Variants in ARHGAP42 observed in about 807,000 individuals in gnomAD.
The protein encoded by ARHGAP42 is rho GTPase-activating protein 42.
ARHGAP42 carries 63 observed loss-of-function variants against 125.0 expected under a neutral mutation model. The observed-to-expected ratio is 0.50, with a 90% confidence interval of 0.41 to 0.62. The LOEUF (loss-of-function observed/expected upper bound fraction) is 0.62, where lower values mean the gene tolerates loss of function less well. Among genes scored for constraint, ARHGAP42 ranks in the 20% least tolerant of loss-of-function variants. The pLI, the probability that ARHGAP42 is intolerant of heterozygous loss-of-function variation, is 0.00. For synonymous variants in ARHGAP42, 339 were observed against 351.0 expected (o/e 0.97, Z 0.38); for missense variants, 766 against 1,024.2 (o/e 0.75, Z 3.44).
chr11:100,703,457 A>C (rs1256344801), intron 1 of ARHGAP42, among the ~76,000 whole-genome samples: 2 of 152,258 alleles, frequency 1.3e-5, no homozygotes, highest in Non-Finnish European at 2.9e-5. Context: ...TACAAGATTT[A>C]ACTTTAACAG....
chr11:100,726,559 A>G (rs1861865252), intron 1 of ARHGAP42, among the ~76,000 whole-genome samples: 1 of 152,250 alleles, frequency 6.6e-6, no homozygotes, highest in Non-Finnish European at 1.5e-5. Context: ...GTTTAGAACT[A>G]TGTAATGCAA....
At chr11:100,779,462 A>AT (rs1177424429) in intron 2 of ARHGAP42, among the ~76,000 whole-genome samples, 35 of 95,748 alleles carry the variant, frequency 3.7e-4, no homozygotes, top group Non-Finnish European at 7.2e-4. Flanking sequence ...AAAAAAAAAA[A>AT]AAAAAATATA....
chr11:100,980,156 A>G (rs920560528), intron 22 of ARHGAP42, among the ~76,000 whole-genome samples: 4 of 152,280 alleles, frequency 2.6e-5, no homozygotes, highest in African/African-American at 9.6e-5. Context: ...GTCAGTGCCT[A>G]GCATTTAAAT....
At chr11:100,880,396 C>T (rs887516180) in intron 4 of ARHGAP42, among the ~76,000 whole-genome samples, 5 of 152,144 alleles carry the variant, frequency 3.3e-5, no homozygotes, top group Non-Finnish European at 7.3e-5. Context: ...GAATAATAGT[C>T]TCCAGTCTCA....
intron 3 of ARHGAP42, among the ~76,000 whole-genome samples, chr11:100,828,111 G>A (rs576103881): frequency 6.6e-6 from 1 of 152,326 alleles, no homozygotes; most frequent in Admixed American, 6.5e-5. Flanking sequence ...GGGTCCTGCT[G>A]TTGAGAATGC....
chr11:100,799,576 G>A (rs1863803050), intron 3 of ARHGAP42, among the ~76,000 whole-genome samples: 1 of 152,220 alleles, frequency 6.6e-6, no homozygotes, highest in Non-Finnish European at 1.5e-5. Context: ...ATGGGAAAGA[G>A]AGGTTAGAGA....
intron 4 of ARHGAP42, among the ~76,000 whole-genome samples, chr11:100,887,304 G>A (rs1249963950): frequency 1.3e-5 from 2 of 151,996 alleles, no homozygotes; most frequent in Non-Finnish European, 2.9e-5. Context: ...TGTTCAGTCC[G>A]GGGTCAGTGG....
chr11:100,826,481 T>C (rs1864517112), intron 3 of ARHGAP42, among the ~76,000 whole-genome samples: 1 of 152,216 alleles, frequency 6.6e-6, no homozygotes, highest in Non-Finnish European at 1.5e-5. Context: ...ATTTCAAGAC[T>C]ATACAGATGT....
At chr11:100,968,332 T>C (rs1858151835) in intron 17 of ARHGAP42, among the ~76,000 whole-genome samples, 1 of 152,172 alleles carries the variant, frequency 6.6e-6, no homozygotes. Context: ...TCTACCATTT[T>C]TCTTTTTGTT....
In ARHGAP42 at chr11:100,697,960, T is replaced by G. The variant is rs570220606; in HGVS notation, c.154+10128T>G. Reference sequence around the variant, plus strand: ...GAACTTGTATTAGACTTTCTCTTCCTTCTATGAAAAAGTTACTCTGTAATA... The same window carrying G: ...GAACTTGTATTAGACTTTCTCTTCCGTCTATGAAAAAGTTACTCTGTAATA... On this transcript the variant is annotated intron_variant, in intron 1 of 23. Transcript: ENST00000298815. Among the ~76,000 whole-genome samples, 4 of 152,358 alleles carry G rather than the reference T, an allele frequency of 2.6e-5. No individual in the cohort carries two copies. The South Asian group carries it at 8.3e-4, about 32-fold the overall frequency.
chr11:100,795,153 A>G lies in ARHGAP42; in HGVS notation c.299A>G (p.Glu100Gly), dbSNP rs750442678. ...FARLLIAVEE[E>G]RRRLIQNAND... The stretch of plus-strand genomic sequence containing the variant: ...AGACTACTCATTGCAGTAGAAGAAG[A>G]AAGGCGAAGACTGGTAAGTCTGTTC... The change falls in exon 3 of 24, where the codon GAA becomes GGA. Residue 100 changes from glutamate to glycine, a missense_variant. Coordinates refer to ENST00000298815, the MANE Select transcript of ARHGAP42 (RefSeq NM_152432.4). 6.5e-7 allele frequency: 1 copy of G among 1,542,510 alleles called. No individual in the cohort carries two copies. Among genetic ancestry groups the G allele is most frequent in the South Asian group, 1.2e-5 (1 of 82,150 alleles).
intron 4 of ARHGAP42, among the ~76,000 whole-genome samples, chr11:100,897,273 T>C (rs902261780): frequency 2.0e-5 from 3 of 152,212 alleles, no homozygotes; most frequent in Non-Finnish European, 2.9e-5. Flanking sequence ...TCAGGTAGCA[T>C]GATGCCTCCA....
At chr11:100,695,460 C>T (rs1861260105) in intron 1 of ARHGAP42, among the ~76,000 whole-genome samples, 2 of 152,170 alleles carry the variant, frequency 1.3e-5, no homozygotes, top group Admixed American at 6.5e-5. Context: ...GCCATCATCA[C>T]GCCCAGCTAA....
intron 8 of ARHGAP42, among the ~76,000 whole-genome samples, chr11:100,940,243 T>C (rs577250656): frequency 1.3e-5 from 2 of 152,316 alleles, no homozygotes; most frequent in East Asian, 3.9e-4. Flanking sequence ...AACACTTTTC[T>C]CAAGAGGTAC....
intron 4 of ARHGAP42, among the ~76,000 whole-genome samples, chr11:100,873,285 A>G (rs546441875): frequency 6.6e-6 from 1 of 152,332 alleles, no homozygotes; most frequent in African/African-American, 2.4e-5. Context: ...AATGAACCGC[A>G]TTAAGAAATA....
intron 3 of ARHGAP42, among the ~76,000 whole-genome samples, chr11:100,850,873 CTTTTTTTTTTTTTTTT>C (rs201814102): frequency 0.29 from 28,048 of 95,382 alleles, 3,761 homozygotes; most frequent in East Asian, 0.54. Flanking sequence ...TAGTAGCTTT[CTTTTTTTTTTTTTTTT>C]TTTTTTTTTT....
chr11:100,905,828 A>G (rs929255113), intron 4 of ARHGAP42, among the ~76,000 whole-genome samples: 31 of 152,016 alleles, frequency 2.0e-4, no homozygotes, highest in Non-Finnish European at 4.1e-4. Flanking sequence ...GATAACCAAA[A>G]TTAGCCAGGA....
At position 100,848,428 on chromosome 11, in the gene ARHGAP42, G is replaced by C. The variant is rs1033930993; in HGVS notation, c.313-11126G>C. On this transcript the variant is annotated intron_variant, in intron 3 of 23. Coordinates refer to ENST00000298815, the MANE Select transcript of ARHGAP42 (RefSeq NM_152432.4). ...GACCGGGTTAACATGGAGATAAGGA[G>C]AGTTTTACAACCAGCAACCATCTTC... is the stretch of plus-strand genomic sequence containing the variant. Among the ~76,000 whole-genome samples, 3 of 152,082 alleles carry C rather than the reference G, an allele frequency of 2.0e-5. No individual in the cohort carries two copies. In the South Asian group the frequency reaches 6.2e-4, roughly 31 times the overall value.
chr11:100,851,063 G>A (rs889132624), intron 3 of ARHGAP42, among the ~76,000 whole-genome samples: 2 of 151,750 alleles, frequency 1.3e-5, no homozygotes, highest in African/African-American at 4.8e-5. Context: ...CATATTGTTA[G>A]TAGAGACGGG....
Sources: gnomAD v4.1 joint callset for allele counts (sites outside exome capture counted in the v4.1 genomes callset) on GRCh38, gnomAD v4.1.1 for gene constraint, MANE v1.5 for transcripts, NCBI Gene and HGNC (gene_info 2026-07-23, HGNC 2026-07-21) for gene names.